The following TNXB variants were observed in gnomAD, a reference collection of about 807,000 sequenced individuals.
TNXB encodes tenascin-X.
TNXB carries 183 observed loss-of-function variants against 340.5 expected under a neutral mutation model. That is an observed-to-expected ratio of 0.54 (90% CI 0.48 to 0.61). The LOEUF is 0.61. Ranked by LOEUF, TNXB falls within the 20% of genes least tolerant of loss-of-function variation. The pLI, the probability that TNXB is intolerant of heterozygous loss-of-function variation, is 0.00. For synonymous variants in TNXB, 2,121 were observed against 2,314.5 expected (o/e 0.92, Z 2.40); for missense variants, 4,613 against 5,446.4 (o/e 0.85, Z 4.82).
chr6:32,097,942 C>T lies in TNXB; in HGVS notation c.257G>A (p.Gly86Asp). ...TGGGGGCTCGGTGCCTGGGGGACAG[C>T]CACAGCCAGTGGAAGGGGGCAGGTT... is the stretch of plus-strand genomic sequence containing the variant. ...RINLPPSTGC[G>D]CPPGTEPPVL... Residue 86 changes from glycine to aspartate, a missense_variant, in exon 2 of 44, where the codon GGC (glycine) becomes GAC (aspartate). By Grantham distance (94) the Gly-to-Asp change is moderately conservative. Transcript: ENST00000644971. This position sits in a 1 kb window ranked among gnomAD's most constrained non-coding sequence, Gnocchi z 5.9. 1 of 1,596,970 alleles carries T rather than the reference C, an allele frequency of 6.3e-7. No homozygotes were observed. Among genetic ancestry groups the T allele is most frequent in the African/African-American group, 1.3e-5 (1 of 74,860 alleles).
rs2127274422 is a variant in TNXB at position 32,089,528 on chromosome 6, T to G, written c.2359-149A>C. The G allele has an allele frequency of 9.5e-7, 1 of 1,054,728 alleles. No individual in the cohort carries two copies. The highest frequency in any genetic ancestry group is 1.3e-6 in the Non-Finnish European group (1 of 755,324). The allele number at this position is 1,054,728 out of a possible 1,614,324, so 65.3% of individuals were successfully genotyped here. A position where few individuals can be genotyped will look rare whatever the true frequency, so the allele number is the denominator to read the frequency against. ...TGTACAAGCTGGGGAGCAAACATGC[T>G]GAGAGCGCTAACTCCTTGTGAGCCA... On this transcript the variant is annotated intron_variant, in intron 4 of 43. Transcript: ENST00000644971. This position sits in a 1 kb window ranked among gnomAD's most constrained non-coding sequence, Gnocchi z 6.2.
At chr6:32,098,862 T>C (rs1780567336) in intron 1 of TNXB, among the ~76,000 whole-genome samples, 2 of 152,224 alleles carry the variant, frequency 1.3e-5, no homozygotes, top group Non-Finnish European at 1.5e-5. Context: ...TCCCTATGTC[T>C]GGGATGCTCT....
At chr6:32,078,721 C>G (rs1161193407) in intron 11 of TNXB, 1 of 381,882 alleles carries the variant, frequency 2.6e-6, no homozygotes, top group Non-Finnish European at 4.7e-6. Context: ...ACAGCAGACA[C>G]TGGCAGCATA....
chr6:32,092,690 CAA>C (rs33977838), intron 4 of TNXB, among the ~76,000 whole-genome samples: 14,074 of 135,998 alleles, frequency 0.1, 809 homozygotes, highest in Non-Finnish European at 0.15. Flanking sequence ...AACTCTGTCT[CAA>C]AAAAAAAAAA....
intron 11 of TNXB, among the ~76,000 whole-genome samples, chr6:32,078,097 AAGAAAGAAAGAAAG>A (rs1281220266): frequency 1.7e-4 from 25 of 146,084 alleles, no homozygotes; most frequent in African/African-American, 4.4e-4. Flanking sequence ...GAAAGAAAGA[AAGAAAGAAAGAAAG>A]AAAGAAAGAA....
At position 32,068,522 on chromosome 6, in the gene TNXB, C is replaced by G. The variant is rs760534018; in HGVS notation, c.6088G>C (p.Ala2030Pro). 16 of 1,613,972 alleles carry G rather than the reference C, an allele frequency of 9.9e-6. No homozygotes were observed. Among genetic ancestry groups the G allele is most frequent in the Non-Finnish European group, 1.4e-5 (16 of 1,179,900 alleles). Residue 2030 changes from alanine (A) to proline (P), a missense_variant, in exon 17 of 44, where the codon GCA (alanine) becomes CCA (proline). Physicochemically the swap from Ala to Pro is conservative, Grantham distance 27. Around this residue, in one of 7 missense-constraint regions of TNXB, gnomAD observed 4,327 missense variants for 4,859.4 expected, o/e 0.89. Transcript: ENST00000644971. This position sits in a 1 kb window ranked among gnomAD's most constrained non-coding sequence, Gnocchi z 5.3. ...QYRNGDGQPK[A>P]VRVPGHEEGV... ...TCCTCGTGCCCTGGCACCCTCACTG[C>G]CTTGGGCTGCCCATCTCCATTCCTG...
At chr6:32,046,000 G>A in intron 31 of TNXB, 175 bp downstream of exon 31, 1 of 1,364,540 alleles carries the variant, frequency 7.3e-7, no homozygotes. Context: ...TCCTGCTCTG[G>A]ACTCCTTGAT....
At chr6:32,071,628 C>T (rs1332811027) in intron 13 of TNXB, among the ~76,000 whole-genome samples, 1 of 151,508 alleles carries the variant, frequency 6.6e-6, no homozygotes, top group African/African-American at 2.4e-5. Context: ...CTCTATCACC[C>T]AGGCTGGAGT....
In TNXB at chr6:32,096,349, G is replaced by A; in HGVS notation, c.1504C>T (p.Arg502Cys). The change falls in exon 3 of 44, where the codon CGC becomes TGC. Residue 502 changes from arginine (R) to cysteine (C), a missense_variant. By Grantham distance (180) the Arg-to-Cys change is radical. Transcript: ENST00000644971. Reference protein sequence around the residue: ...CGTRACPGDCRGRGRCVDGRC... With the variant: ...CGTRACPGDCCGRGRCVDGRC... ...CCATCCACGCAGCGCCCGCGCCCGC[G>A]ACAGTCGCCAGGACAGGCGCGCGTG... is the stretch of plus-strand genomic sequence containing the variant. 1 of 1,544,660 alleles carries A rather than the reference G, an allele frequency of 6.5e-7. No homozygotes were observed. Among genetic ancestry groups the A allele is most frequent in the Non-Finnish European group, 8.7e-7 (1 of 1,151,944 alleles).
intron 1 of TNXB, among the ~76,000 whole-genome samples, chr6:32,106,786 C>G (rs1390837593): frequency 6.6e-6 from 1 of 152,210 alleles, no homozygotes; most frequent in East Asian, 1.9e-4. Context: ...CTCTGACCGA[C>G]CCTCAAATCC....
In TNXB at chr6:32,081,762, TG is replaced by T. The variant is rs1779464993; in HGVS notation, c.3737-90del. On this transcript the variant is annotated intron_variant, in intron 9 of 43. Transcript: ENST00000644971. This position sits in a 1 kb window ranked among gnomAD's most constrained non-coding sequence, Gnocchi z 5.1. ...GACGGGATGTCACACCTATGGGGGG[TG>T]GGGGGTCACTAGTCCATTAATTCGA... is the stretch of plus-strand genomic sequence containing the variant. The T allele has an allele frequency of 6.5e-6, 3 of 460,000 alleles. No individual in the cohort carries two copies. Among genetic ancestry groups the T allele is most frequent in the Non-Finnish European group, 1.2e-5 (3 of 257,744 alleles). 28.5% of individuals were successfully genotyped at this position (460,000 alleles called of 1,614,324 possible). A position where few individuals can be genotyped will look rare whatever the true frequency, so the allele number is the denominator to read the frequency against.
intron 4 of TNXB, among the ~76,000 whole-genome samples, chr6:32,091,235 C>T (rs561780138): frequency 1.3e-5 from 2 of 152,168 alleles, no homozygotes; most frequent in African/African-American, 2.4e-5. Context: ...CTCAGCCTCC[C>T]GAGTAGCTGG....
rs573046286 is a variant in TNXB at position 32,101,949 on chromosome 6, C to T, written c.-8-3743G>A. Among the ~76,000 whole-genome samples, 3 of 152,236 alleles carry T rather than the reference C, an allele frequency of 2.0e-5. No individual in the cohort carries two copies. The South Asian group carries it at 6.2e-4, about 32-fold the overall frequency. On this transcript the variant is annotated intron_variant, in intron 1 of 43. Transcript: ENST00000644971. Reference sequence around the variant, plus strand: ...GTGTTGCCCAGGCTGGCCTTGAACTCCTGGCCTCAAGCAATCCTCCTGCCT... The same window carrying T: ...GTGTTGCCCAGGCTGGCCTTGAACTTCTGGCCTCAAGCAATCCTCCTGCCT...
Position 32,075,307 on chromosome 6 carries a change from G to A in TNXB, c.4376-1355C>T, listed in dbSNP as rs990490215. ...ATCCAAGTCCTGCACTGGCCTCTGA[G>A]GTCCCATATTCATCTCTTAGATCAT... is the stretch of plus-strand genomic sequence containing the variant. On this transcript the variant is annotated intron_variant, in intron 11 of 43. Transcript: ENST00000644971. This position sits in a 1 kb window ranked among gnomAD's most constrained non-coding sequence, Gnocchi z 4.6. Among the ~76,000 whole-genome samples, 2 of 152,228 alleles carry A rather than the reference G, an allele frequency of 1.3e-5. No homozygotes were observed. Among genetic ancestry groups the A allele is most frequent in the Non-Finnish European group, 2.9e-5 (2 of 68,030 alleles).
chr6:32,081,897 C>T lies in TNXB; in HGVS notation c.3736+139G>A. On this transcript the variant is annotated intron_variant, in intron 9 of 43. Coordinates refer to ENST00000644971, the MANE Select transcript of TNXB (RefSeq NM_001365276.2). This position sits in a 1 kb window ranked among gnomAD's most constrained non-coding sequence, Gnocchi z 5.1. The stretch of plus-strand genomic sequence containing the variant: ...GGCCCAGCAGTGCGGGGGAGTCTGG[C>T]TGCCCCTCAGCCCTGGAGTGGGGCC... 1 of 867,990 alleles carries T rather than the reference C, an allele frequency of 1.2e-6. No homozygotes were observed. The highest frequency in any genetic ancestry group is 1.8e-6 in the Non-Finnish European group (1 of 569,170). The allele number at this position is 867,990 out of a possible 1,614,324, so 53.8% of individuals were successfully genotyped here. A position where few individuals can be genotyped will look rare whatever the true frequency, so the allele number is the denominator to read the frequency against.
intron 3 of TNXB, among the ~76,000 whole-genome samples, 188 bp downstream of exon 3, chr6:32,095,423 T>C (rs1780275682): frequency 6.6e-6 from 1 of 151,956 alleles, no homozygotes; most frequent in Non-Finnish European, 1.5e-5. Context: ...AACCTGCTCC[T>C]CAGAGATCTG....
At position 32,058,028 on chromosome 6, in the gene TNXB, T is replaced by TTC; in HGVS notation, c.7825+29_7825+30insGA. On this transcript the variant is annotated intron_variant, in intron 22 of 43. Coordinates refer to ENST00000644971, the MANE Select transcript of TNXB (RefSeq NM_001365276.2). This position sits in a 1 kb window ranked among gnomAD's most constrained non-coding sequence, Gnocchi z 5.1. ...AAGGGCACATTTTCTAGGGCTGTCT[T>TTC]CCAACCCTGCCCCACCCACACTCAC... is the stretch of plus-strand genomic sequence containing the variant. 7.6e-6 allele frequency: 12 copies of TTC among 1,577,058 alleles called. No individual in the cohort carries two copies. The highest frequency in any genetic ancestry group is 1.0e-5 in the Non-Finnish European group (12 of 1,162,874).
In TNXB at chr6:32,067,586, G is replaced by A; in HGVS notation, c.6544+75C>T. The A allele has an allele frequency of 6.5e-7, 1 of 1,539,654 alleles. No individual in the cohort carries two copies. Among genetic ancestry groups the A allele is most frequent in the Non-Finnish European group, 8.7e-7 (1 of 1,143,538 alleles). ...CAGGTTTGAGGTCTTGGGGTTCTGG[G>A]TCCCTAGTGGAGGAGATGCTGGAGG... On this transcript the variant is annotated intron_variant, in intron 18 of 43. Transcript: ENST00000644971. The surrounding 1 kb of genome is among the most constrained non-coding windows in gnomAD (Gnocchi z 4.2).
Position 32,085,722 on chromosome 6 carries a change from A to G in TNXB, c.3148+28T>C. On this transcript the variant is annotated intron_variant, in intron 7 of 43. Transcript: ENST00000644971. The surrounding 1 kb of genome is among the most constrained non-coding windows in gnomAD (Gnocchi z 6.4). Reference sequence around the variant, plus strand: ...CCAGCTCCTCCCCCAATCTCAGGATATTGATCTGAGCAGAGTCCAAGATGT... The same window carrying G: ...CCAGCTCCTCCCCCAATCTCAGGATGTTGATCTGAGCAGAGTCCAAGATGT... 6.7e-7 allele frequency: 1 copy of G among 1,497,272 alleles called. No individual in the cohort carries two copies. The highest frequency in any genetic ancestry group is 8.9e-7 in the Non-Finnish European group (1 of 1,122,928). 92.7% of individuals were successfully genotyped at this position (1,497,272 alleles called of 1,614,324 possible). A position where few individuals can be genotyped will look rare whatever the true frequency, so the allele number is the denominator to read the frequency against.
Sources: gnomAD v4.1 joint callset for allele counts (sites outside exome capture counted in the v4.1 genomes callset) on GRCh38, gnomAD v4.1.1 for gene constraint, gnomAD v4.1.1 regional missense constraint, Gnocchi (gnomAD v3.1) non-coding constraint, MANE v1.5 for transcripts, NCBI Gene and HGNC (gene_info 2026-07-23, HGNC 2026-07-21) for gene names.